Variants in TMEFF2 observed in about 807,000 individuals in gnomAD.
TMEFF2 encodes tomoregulin-2.
A neutral mutation model predicts 53.8 loss-of-function variants in TMEFF2; 28 were observed. That is an observed-to-expected ratio of 0.52 (90% CI 0.39 to 0.71). The LOEUF is 0.71. Ranked by LOEUF, TMEFF2 falls within the 30% of genes least tolerant of loss-of-function variation. The pLI is 0.00. For synonymous variants in TMEFF2, 162 were observed against 166.3 expected, an observed-to-expected ratio of 0.97 and a Z score of 0.20; for missense variants, 353 against 455.2, an observed-to-expected ratio of 0.78 and a Z score of 2.04.
At chr2:192,155,549 A>G (rs1174424702) in intron 4 of TMEFF2, among the ~76,000 whole-genome samples, 1 of 151,968 alleles carries the variant, frequency 6.6e-6, no homozygotes, top group Non-Finnish European at 1.5e-5. Context: ...TGTATTTGGA[A>G]TCCATGGTTC....
intron 7 of TMEFF2, among the ~76,000 whole-genome samples, chr2:191,997,441 A>G (rs1661853960): frequency 6.6e-6 from 1 of 151,776 alleles, no homozygotes. Flanking sequence ...TTAAAAGACA[A>G]GAAACAACTC....
At chr2:192,018,093 G>T (rs770169393) in intron 5 of TMEFF2, among the ~76,000 whole-genome samples, 12 of 152,164 alleles carry the variant, frequency 7.9e-5, no homozygotes, top group Non-Finnish European at 1.8e-4. Flanking sequence ...TTGGAGGGGA[G>T]GGGGAGAATT....
At chr2:192,190,614 A>G (rs1691439154) in intron 2 of TMEFF2, among the ~76,000 whole-genome samples, 1 of 152,220 alleles carries the variant, frequency 6.6e-6, no homozygotes, top group African/African-American at 2.4e-5. Flanking sequence ...AAAACTGTAC[A>G]GTCAGAGCAC....
chr2:192,045,465 T>G (rs1687593214), intron 5 of TMEFF2, among the ~76,000 whole-genome samples: 1 of 152,164 alleles, frequency 6.6e-6, no homozygotes, highest in Non-Finnish European at 1.5e-5. Context: ...GATATTTGTG[T>G]CCCATGTAAA....
At chr2:192,044,961 G>A (rs1687579428) in intron 5 of TMEFF2, among the ~76,000 whole-genome samples, 1 of 152,182 alleles carries the variant, frequency 6.6e-6, no homozygotes, top group Non-Finnish European at 1.5e-5. Context: ...TACTTTGTAT[G>A]AGATTAGGTC....
chr2:192,130,691 G>A (rs965384051), intron 4 of TMEFF2, among the ~76,000 whole-genome samples: 45 of 150,864 alleles, frequency 3.0e-4, no homozygotes, highest in Non-Finnish European at 5.0e-4. Context: ...CCTATGAAAC[G>A]GCCCCACCCC....
At chr2:191,969,514 A>G (rs947193015) in intron 7 of TMEFF2, among the ~76,000 whole-genome samples, 2 of 152,192 alleles carry the variant, frequency 1.3e-5, no homozygotes, top group Non-Finnish European at 2.9e-5. Context: ...TCCTTCAGCA[A>G]AAGGTAAAAA....
At position 192,037,269 on chromosome 2, in the gene TMEFF2, A is replaced by AAAAGAAAGAAAGAAAGAAAG. The variant is rs1440087652; in HGVS notation, c.536+20409_536+20410insCTTTCTTTCTTTCTTTCTTT. 2.5e-3 allele frequency: 178 copies of AAAAGAAAGAAAGAAAGAAAG among 72,584 alleles called. 10 individuals carry two copies. The highest frequency in any genetic ancestry group is 0.011 in the East Asian group (25 of 2,304). 4.5% of individuals were successfully genotyped at this position (72,584 alleles called of 1,614,324 possible). A position where few individuals can be genotyped will look rare whatever the true frequency, so the allele number is the denominator to read the frequency against. On this transcript the variant is annotated intron_variant, in intron 5 of 9. Coordinates refer to ENST00000272771, the MANE Select transcript of TMEFF2 (RefSeq NM_016192.4). ...GCAGAATGCACTTCTAAGACTAGCC[A>AAAAGAAAGAAAGAAAGAAAG]AAATAAAGAAAGAAAGAAAGAAAGA...
At chr2:192,115,816 T>C (rs1689390793) in intron 4 of TMEFF2, among the ~76,000 whole-genome samples, 1 of 151,912 alleles carries the variant, frequency 6.6e-6, no homozygotes, top group African/African-American at 2.4e-5. Context: ...GGGATGGCTA[T>C]TATAAAAAAG....
intron 4 of TMEFF2, among the ~76,000 whole-genome samples, chr2:192,158,637 G>A (rs1321314499): frequency 1.3e-5 from 2 of 151,928 alleles, no homozygotes; most frequent in East Asian, 1.9e-4. Flanking sequence ...CCTTACATTA[G>A]ATGTTATTAC....
rs375932195 is a variant in TMEFF2 at position 191,998,258 on chromosome 2, G to A, written c.745+4C>T. The stretch of plus-strand genomic sequence containing the variant: ...CACATTTTGTAGAAGAAAATATTAT[G>A]TACCTGCATAATCTGTTCTTGCATA... On this transcript the variant is annotated splice_donor_region_variant and intron_variant, in intron 7 of 9. Coordinates refer to ENST00000272771, the MANE Select transcript of TMEFF2 (RefSeq NM_016192.4). 67 of 1,590,650 alleles carry A rather than the reference G, an allele frequency of 4.2e-5. No homozygotes were observed. In the African/African-American group the frequency reaches 7.8e-4, roughly 18 times the overall value.
At chr2:192,101,548 G>A (rs1196255288) in intron 4 of TMEFF2, among the ~76,000 whole-genome samples, 1 of 152,080 alleles carries the variant, frequency 6.6e-6, no homozygotes, top group Non-Finnish European at 1.5e-5. Flanking sequence ...CTCTTAAAAT[G>A]TGATCTCAAA....
chr2:192,014,034 ATTAG>A (rs1686693348), intron 5 of TMEFF2, among the ~76,000 whole-genome samples: 1 of 152,246 alleles, frequency 6.6e-6, no homozygotes, highest in Non-Finnish European at 1.5e-5. Flanking sequence ...ATCAAAAAGT[ATTAG>A]TTCATTTATA....
intron 2 of TMEFF2, 59 bp from the exon 3 acceptor site, chr2:192,184,542 C>T (rs554026836): frequency 1.4e-4 from 220 of 1,586,358 alleles, no homozygotes; most frequent in East Asian, 5.2e-4. Context: ...CCCTCTGACA[C>T]GATGAACAGA....
intron 4 of TMEFF2, among the ~76,000 whole-genome samples, chr2:192,142,941 CTTTT>C (rs1168364153): frequency 6.6e-6 from 1 of 152,146 alleles, no homozygotes; most frequent in Non-Finnish European, 1.5e-5. Flanking sequence ...GACAGTAGTT[CTTTT>C]GTGTTCCACT....
At chr2:192,034,429 A>T (rs1401362920) in intron 5 of TMEFF2, among the ~76,000 whole-genome samples, 4 of 152,158 alleles carry the variant, frequency 2.6e-5, no homozygotes, top group African/African-American at 9.7e-5. Flanking sequence ...TGGGGAAAAA[A>T]AATCACGAAT....
chr2:191,984,402 C>T (rs1685927890), intron 7 of TMEFF2, among the ~76,000 whole-genome samples: 1 of 151,816 alleles, frequency 6.6e-6, no homozygotes, highest in Admixed American at 6.6e-5. Context: ...TTCTGTTTAT[C>T]CAGAGAGAGA....
intron 4 of TMEFF2, among the ~76,000 whole-genome samples, chr2:192,153,883 T>A (rs1690446113): frequency 6.6e-6 from 1 of 151,894 alleles, no homozygotes; most frequent in South Asian, 2.1e-4. Context: ...ACAGGTTCAA[T>A]CATTAAATAA....
intron 4 of TMEFF2, among the ~76,000 whole-genome samples, chr2:192,162,878 G>GAC (rs1690668866): frequency 6.6e-6 from 1 of 152,196 alleles, no homozygotes; most frequent in African/African-American, 2.4e-5. Flanking sequence ...TAGACAGGCA[G>GAC]AGTGAATTAA....
Sources: allele counts gnomAD v4.1 joint callset (sites outside exome capture counted in the v4.1 genomes callset), GRCh38; gene constraint gnomAD v4.1.1; transcripts MANE v1.5; gene names NCBI Gene and HGNC (gene_info 2026-07-23, HGNC 2026-07-21).